Variants in JMJD1C observed in about 807,000 individuals in gnomAD.
JMJD1C encodes the protein jumonji domain-containing protein 1C.
JMJD1C carries 31 observed loss-of-function variants against 245.3 expected under a neutral mutation model. The ratio of observed to expected loss-of-function variants is 0.13; its 90% CI spans 0.09 to 0.17. The LOEUF (loss-of-function observed/expected upper bound fraction) is 0.17. Among genes scored for constraint, JMJD1C ranks in the 10% least tolerant of loss-of-function variants. The probability of loss-of-function intolerance (pLI) is 1.00; values close to 1 mark genes in which losing one functional copy is unlikely to be tolerated. For synonymous variants in JMJD1C, 1,057 were observed against 1,017.4 expected, an observed-to-expected ratio of 1.04 and a Z score of -0.74; for missense variants, 2,691 against 3,000.2, an observed-to-expected ratio of 0.90 and a Z score of 2.41.
At chr10:63,499,214 A>G (rs1342427125) in intron 1 of JMJD1C, among the ~76,000 whole-genome samples, 2 of 152,184 alleles carry the variant, frequency 1.3e-5, no homozygotes, top group South Asian at 4.1e-4. Context: ...GCTGATTTCA[A>G]TTCTTTTGGA....
intron 2 of JMJD1C, among the ~76,000 whole-genome samples, chr10:63,274,947 GC>G (rs1475715093): frequency 6.6e-6 from 1 of 152,044 alleles, no homozygotes; most frequent in Non-Finnish European, 1.5e-5. Context: ...TGGAATCCCA[GC>G]TACTTAGAAA....
intron 1 of JMJD1C, among the ~76,000 whole-genome samples, chr10:63,386,185 T>C (rs1048328964): frequency 6.6e-6 from 1 of 151,936 alleles, no homozygotes; most frequent in Admixed American, 6.6e-5. Context: ...GACCCCACCC[T>C]CCCTAGCAGT....
At chr10:63,495,096 ATT>A (rs113386532) in intron 1 of JMJD1C, among the ~76,000 whole-genome samples, 1 of 146,294 alleles carries the variant, frequency 6.8e-6, no homozygotes. Context: ...GTGTTAGCGC[ATT>A]TTTTTTTTTT....
chr10:63,485,446 A>T (rs371116637), intron 1 of JMJD1C, among the ~76,000 whole-genome samples: 3 of 152,334 alleles, frequency 2.0e-5, no homozygotes, highest in African/African-American at 4.8e-5. Flanking sequence ...AAAAAAAAGA[A>T]AAGAAAGAGA....
intron 3 of JMJD1C, among the ~76,000 whole-genome samples, chr10:63,256,839 T>C (rs1364125937): frequency 1.3e-5 from 2 of 152,154 alleles, no homozygotes; most frequent in Non-Finnish European, 2.9e-5. Flanking sequence ...AATGTTAAAA[T>C]GAAGGCAAAG....
intron 2 of JMJD1C, among the ~76,000 whole-genome samples, chr10:63,268,450 CAATT>C (rs1855893495): frequency 6.6e-6 from 1 of 152,128 alleles, no homozygotes; most frequent in East Asian, 1.9e-4. Context: ...ATACTTTAAA[CAATT>C]AAACTCGTTT....
At chr10:63,293,025 G>T (rs189015770) in intron 2 of JMJD1C, among the ~76,000 whole-genome samples, 8 of 152,254 alleles carry the variant, frequency 5.3e-5, no homozygotes, top group African/African-American at 1.9e-4. Context: ...GCCTAGGCGA[G>T]AGTGAGACTT....
At chr10:63,423,460 T>C (rs1338311209) in intron 1 of JMJD1C, among the ~76,000 whole-genome samples, 1 of 152,262 alleles carries the variant, frequency 6.6e-6, no homozygotes, top group Non-Finnish European at 1.5e-5. Context: ...TTAAGGATTA[T>C]CCATATGTTG....
At chr10:63,432,141 T>C (rs1950796771) in intron 1 of JMJD1C, among the ~76,000 whole-genome samples, 1 of 152,222 alleles carries the variant, frequency 6.6e-6, no homozygotes, top group African/African-American at 2.4e-5. Flanking sequence ...GATGAACTTC[T>C]GGCAAACTCT....
At chr10:63,371,301 A>G (rs1401166555) in intron 2 of JMJD1C, among the ~76,000 whole-genome samples, 1 of 152,152 alleles carries the variant, frequency 6.6e-6, no homozygotes, top group Non-Finnish European at 1.5e-5. Flanking sequence ...TTTTAAATAC[A>G]TAATTCTAGT....
chr10:63,337,313 A>G (rs1001837751), intron 2 of JMJD1C, among the ~76,000 whole-genome samples: 1 of 150,542 alleles, frequency 6.6e-6, no homozygotes, highest in African/African-American at 2.5e-5. Context: ...GTGGTGGCAC[A>G]CGCCTGTAGT....
At chr10:63,290,516 G>A (rs1298727779) in intron 2 of JMJD1C, among the ~76,000 whole-genome samples, 1 of 151,998 alleles carries the variant, frequency 6.6e-6, no homozygotes, top group Non-Finnish European at 1.5e-5. Context: ...AGCCAAGATC[G>A]CACCACTGCA....
intron 1 of JMJD1C, among the ~76,000 whole-genome samples, chr10:63,381,945 C>A (rs1328829854): frequency 1.3e-5 from 2 of 152,188 alleles, no homozygotes; most frequent in East Asian, 3.9e-4. Flanking sequence ...TACGCGATGG[C>A]TCATGCCTGT....
chr10:63,355,581 T>C (rs1413942862), intron 2 of JMJD1C, among the ~76,000 whole-genome samples: 1 of 152,092 alleles, frequency 6.6e-6, no homozygotes, highest in African/African-American at 2.4e-5. Flanking sequence ...GAGAAAAAAT[T>C]GAGCAGTATG....
At chr10:63,401,813 C>G (rs757516367) in intron 1 of JMJD1C, among the ~76,000 whole-genome samples, 5 of 151,844 alleles carry the variant, frequency 3.3e-5, no homozygotes, top group Non-Finnish European at 7.4e-5. Context: ...GAAAGCAGAG[C>G]CTTCATGTAT....
intron 1 of JMJD1C, among the ~76,000 whole-genome samples, chr10:63,410,020 G>A (rs1949392285): frequency 6.6e-6 from 1 of 152,002 alleles, no homozygotes; most frequent in Non-Finnish European, 1.5e-5. Flanking sequence ...ATATATATTT[G>A]AATAAATGAA....
At chr10:63,342,864 A>G (rs980186664) in intron 2 of JMJD1C, among the ~76,000 whole-genome samples, 2 of 152,232 alleles carry the variant, frequency 1.3e-5, no homozygotes, top group African/African-American at 2.4e-5. Flanking sequence ...GCACACCATT[A>G]TTTAAAATAT....
chr10:63,340,070 T>TA (rs773362844), intron 2 of JMJD1C, among the ~76,000 whole-genome samples: 4 of 150,664 alleles, frequency 2.7e-5, no homozygotes, highest in Non-Finnish European at 5.9e-5. Flanking sequence ...AATAAATAAA[T>TA]AATAAGTAAA....
chr10:63,341,447 G>C (rs10740118), intron 2 of JMJD1C, among the ~76,000 whole-genome samples: 58,464 of 152,010 alleles, frequency 0.38, 11,609 homozygotes, highest in South Asian at 0.5. Context: ...ACTGTGTTGG[G>C]ATACGTTAAT....
Sources: allele counts gnomAD v4.1 joint callset (sites outside exome capture counted in the v4.1 genomes callset), GRCh38; gene constraint gnomAD v4.1.1; transcripts MANE v1.5; gene names NCBI Gene and HGNC (gene_info 2026-07-23, HGNC 2026-07-21).